VRK2: variants seen among roughly 807,000 people sequenced by gnomAD.
The protein encoded by VRK2 is VRK serine/threonine kinase 2.
In VRK2, 60 loss-of-function variants were observed where a neutral mutation model predicts 57.6. The observed-to-expected ratio is 1.04, with a 90% CI of 0.85 to 1.29. VRK2 has a LOEUF of 1.29. Ranked by LOEUF, VRK2 falls within the 50% of genes most tolerant of loss-of-function variation. The pLI is 0.00. For synonymous variants in VRK2, 231 were observed against 199.2 expected (o/e 1.16, Z -1.35); for missense variants, 705 against 588.1 (o/e 1.20, Z -2.06).
chr2:57,993,713 G>C (rs1284826160), intron 1 of VRK2, among the ~76,000 whole-genome samples: 1 of 152,204 alleles, frequency 6.6e-6, no homozygotes, highest in Non-Finnish European at 1.5e-5. Context: ...GACATGAATT[G>C]AACCTCTCTC....
intron 8 of VRK2, among the ~76,000 whole-genome samples, chr2:58,129,685 A>G (rs1433057929): frequency 6.6e-6 from 1 of 152,200 alleles, no homozygotes; most frequent in African/African-American, 2.4e-5. Context: ...TGGAAAGAAG[A>G]CAATCATTGG....
intron 1 of VRK2, among the ~76,000 whole-genome samples, chr2:57,990,919 C>T (rs1012502668): frequency 2.0e-5 from 3 of 151,622 alleles, no homozygotes; most frequent in African/African-American, 7.3e-5. Flanking sequence ...GTAGAGAACA[C>T]AAACCATATG....
chr2:58,021,613 C>T (rs544944705), intron 1 of VRK2, among the ~76,000 whole-genome samples: 110 of 152,212 alleles, frequency 7.2e-4, no homozygotes, highest in Non-Finnish European at 1.1e-3. Flanking sequence ...ATATAGACAT[C>T]TGTTAATATT....
rs879038938 is a variant in VRK2 at position 58,088,281 on chromosome 2, TAGAC to T, written c.345-57_345-54del. On this transcript the variant is annotated intron_variant, in intron 5 of 12. Coordinates refer to ENST00000340157, the MANE Select transcript of VRK2 (RefSeq NM_006296.7). Reference sequence around the variant, plus strand: ...GTAATTTTTCTTGTTTCAAATTAAATAGACAGTTTCAAGCATTACTTTCTCAGGA... The same window carrying T: ...GTAATTTTTCTTGTTTCAAATTAAATAGTTTCAAGCATTACTTTCTCAGGA... The T allele has an allele frequency of 1.1e-4, 128 of 1,208,948 alleles. 2 individuals carry two copies. In the South Asian group the frequency reaches 1.2e-3, roughly 11 times the overall value. 74.9% of individuals were successfully genotyped at this position (1,208,948 alleles called of 1,614,324 possible).
At chr2:58,107,667 C>G (rs962594799) in intron 7 of VRK2, among the ~76,000 whole-genome samples, 1 of 152,122 alleles carries the variant, frequency 6.6e-6, no homozygotes, top group South Asian at 2.1e-4. Flanking sequence ...TCATAAGAGA[C>G]CTCATTTTGA....
intron 2 of VRK2, among the ~76,000 whole-genome samples, chr2:58,059,571 C>G (rs2103878470): frequency 6.6e-6 from 1 of 151,668 alleles, no homozygotes; most frequent in African/African-American, 2.4e-5. Flanking sequence ...GTTAACATAT[C>G]CCTTTATGGA....
intron 2 of VRK2, among the ~76,000 whole-genome samples, chr2:58,030,723 T>A (rs1186829187): frequency 2.0e-5 from 3 of 152,052 alleles, no homozygotes; most frequent in African/African-American, 2.4e-5. Flanking sequence ...GGCTTGTTAG[T>A]TGCTTGTGAT....
intron 1 of VRK2, among the ~76,000 whole-genome samples, chr2:58,010,424 T>G (rs1487392099): frequency 2.0e-5 from 3 of 152,120 alleles, no homozygotes; most frequent in African/African-American, 7.2e-5. Flanking sequence ...CTAATTCTGT[T>G]CTTATTTACT....
At chr2:57,991,956 CAA>C (rs111539756) in intron 1 of VRK2, among the ~76,000 whole-genome samples, 25 of 101,528 alleles carry the variant, frequency 2.5e-4, no homozygotes, top group Admixed American at 3.3e-4. Flanking sequence ...GACTCCAACT[CAA>C]AAAAAAAAAA....
intron 8 of VRK2, 93 bp from the exon 9 acceptor site, chr2:58,131,715 C>T: frequency 7.1e-7 from 1 of 1,404,150 alleles, no homozygotes; most frequent in Non-Finnish European, 9.4e-7. Context: ...TTGGCTTTTT[C>T]ATATTTCATC....
intron 7 of VRK2, among the ~76,000 whole-genome samples, chr2:58,094,370 A>C (rs554710321): frequency 6.6e-6 from 1 of 152,154 alleles, no homozygotes; most frequent in African/African-American, 2.4e-5. Context: ...CTCCTTGAAG[A>C]GGTCCTTCAC....
chr2:58,028,882 T>TAATA lies in VRK2; in HGVS notation c.-333+3133_-333+3136dup, dbSNP rs1297414255. On this transcript the variant is annotated intron_variant, in intron 2 of 15. Transcript: ENST00000417641. ...CACATGTACCCTAGAACTTAAAGTATAATAAATAAATAAATAAATAAATAT... is the reference window on the plus strand; with the variant it reads ...CACATGTACCCTAGAACTTAAAGTATAATAAATAAATAAATAAATAAATAAATAT... 1.8e-3 allele frequency among the ~76,000 whole-genome samples: 192 copies of TAATA among 104,612 alleles called. 3 individuals carry two copies. Among genetic ancestry groups the TAATA allele is most frequent in the African/African-American group, 4.3e-3 (117 of 27,274 alleles). 68.6% of individuals were successfully genotyped at this position (104,612 alleles called of 152,430 possible). A position where few individuals can be genotyped will look rare whatever the true frequency, so the allele number is the denominator to read the frequency against.
intron 2 of VRK2, among the ~76,000 whole-genome samples, chr2:58,060,153 A>C (rs1262276607): frequency 6.6e-6 from 1 of 151,814 alleles, no homozygotes; most frequent in African/African-American, 2.4e-5. Context: ...CACACAAGAC[A>C]CTTCAAGAAA....
intron 1 of VRK2, among the ~76,000 whole-genome samples, chr2:57,957,203 C>T (rs546475607): frequency 3.2e-4 from 48 of 152,238 alleles, no homozygotes; most frequent in African/African-American, 5.8e-4. Context: ...CCTATATATA[C>T]ATTGAGGAAG....
At chr2:58,007,217 C>CCT (rs34855177) in intron 1 of VRK2, among the ~76,000 whole-genome samples, 12,732 of 141,500 alleles carry the variant, frequency 0.09, 819 homozygotes, top group African/African-American at 0.2. Flanking sequence ...TCTCTCTCTC[C>CCT]CTCTCTCTCT....
At chr2:58,143,106 C>T (rs989339057) in intron 11 of VRK2, among the ~76,000 whole-genome samples, 1 of 151,700 alleles carries the variant, frequency 6.6e-6, no homozygotes, top group Non-Finnish European at 1.5e-5. Flanking sequence ...AAAATTTTTT[C>T]CTAAGCTTTA....
intron 1 of VRK2, among the ~76,000 whole-genome samples, chr2:57,954,337 G>C (rs1671516752): frequency 6.6e-6 from 1 of 152,028 alleles, no homozygotes; most frequent in African/African-American, 2.4e-5. Flanking sequence ...TTGTATGCAA[G>C]AAGAAGTAAA....
rs555933742 is a variant in VRK2, at chr2:58,135,317, A to G, written c.856+118A>G. 4.0e-6 allele frequency: 4 copies of G among 1,002,684 alleles called. No individual in the cohort carries two copies. The South Asian group carries it at 5.9e-5, about 15-fold the overall frequency. The allele number at this position is 1,002,684 out of a possible 1,614,324, so 62.1% of individuals were successfully genotyped here. ...TCCTATTCCCATCAGGGTGGGAAGGAGGGAACTCTTCATGTTGCAAATAAG... is the reference window on the plus strand; with the variant it reads ...TCCTATTCCCATCAGGGTGGGAAGGGGGGAACTCTTCATGTTGCAAATAAG... On this transcript the variant is annotated intron_variant, in intron 10 of 12. Transcript: ENST00000340157.
chr2:58,097,437 A>C (rs1307499074), intron 7 of VRK2, among the ~76,000 whole-genome samples: 2 of 151,820 alleles, frequency 1.3e-5, no homozygotes, highest in African/African-American at 4.8e-5. Context: ...CTATTTATGA[A>C]AGTTTGTAAT....
Sources: allele counts gnomAD v4.1 joint callset (sites outside exome capture counted in the v4.1 genomes callset), GRCh38; gene constraint gnomAD v4.1.1; transcripts MANE v1.5; gene names NCBI Gene and HGNC (gene_info 2026-07-23, HGNC 2026-07-21).